Variants in SPAG1 observed in about 807,000 individuals in gnomAD.
The protein encoded by SPAG1 is sperm-associated antigen 1.
A neutral mutation model predicts 100.5 loss-of-function variants in SPAG1; 69 were observed. The observed-to-expected ratio is 0.69, with a 90% CI of 0.57 to 0.84. SPAG1 has a LOEUF of 0.84. Ranked by LOEUF, SPAG1 falls within the 40% of genes least tolerant of loss-of-function variation. The pLI is 0.00. For missense variants in SPAG1, 955 were observed against 1,133.1 expected (o/e 0.84, Z 2.26); for synonymous variants, 336 against 411.6 (o/e 0.82, Z 2.22).
chr8:100,178,159 T>C (rs1007863062), intron 4 of SPAG1, among the ~76,000 whole-genome samples: 5 of 152,204 alleles, frequency 3.3e-5, no homozygotes, highest in Admixed American at 3.3e-4. Context: ...TCCTTTGAAG[T>C]CCTGCATCTT....
chr8:100,180,705 C>T (rs886625465), intron 4 of SPAG1, among the ~76,000 whole-genome samples: 1 of 152,158 alleles, frequency 6.6e-6, no homozygotes, highest in Admixed American at 6.5e-5. Context: ...TTATCTCTGT[C>T]TCTTGATTTC....
intron 10 of SPAG1, among the ~76,000 whole-genome samples, chr8:100,205,938 G>A (rs1322283667): frequency 2.1e-5 from 3 of 144,570 alleles, no homozygotes; most frequent in Non-Finnish European, 4.5e-5. Flanking sequence ...AGAACTGCTT[G>A]AACCTGGGAG....
intron 16 of SPAG1, among the ~76,000 whole-genome samples, chr8:100,234,503 A>G (rs1818915699): frequency 1.3e-5 from 2 of 152,228 alleles, no homozygotes; most frequent in South Asian, 4.1e-4. Context: ...GGACATTACC[A>G]TAAATCATAT....
rs1287008797 is a variant in SPAG1 at position 100,213,330 on chromosome 8, C to A, written c.1337C>A (p.Ala446Asp). Residue 446 changes from alanine to aspartate, a missense_variant, in exon 11 of 19, where the codon GCC (alanine) becomes GAC (aspartate). Transcript: ENST00000388798. ...PGGGQGAENP[A>D]GLKSQGNELF... ...GGCGGGCAGGGCGCGGAGAACCCTG[C>A]CGGCCTGAAGAGCCAGGGCAACGAG... 7.6e-7 allele frequency: 1 copy of A among 1,311,732 alleles called. No homozygotes were observed. The highest frequency in any genetic ancestry group is 2.3e-5 in the South Asian group (1 of 43,032). 81.3% of individuals were successfully genotyped at this position (1,311,732 alleles called of 1,614,324 possible).
chr8:100,173,591 T>A (rs1815976907), intron 3 of SPAG1, among the ~76,000 whole-genome samples: 1 of 152,194 alleles, frequency 6.6e-6, no homozygotes, highest in East Asian at 1.9e-4. Flanking sequence ...GTTTCACAGA[T>A]AATAAATCTC....
At chr8:100,179,619 T>G (rs921859783) in intron 4 of SPAG1, among the ~76,000 whole-genome samples, 3 of 152,166 alleles carry the variant, frequency 2.0e-5, no homozygotes, top group African/African-American at 7.2e-5. Context: ...GTGTTGGTAT[T>G]TGCCCTGAGG....
chr8:100,200,659 T>C (rs2132309258), intron 10 of SPAG1, among the ~76,000 whole-genome samples: 2 of 152,374 alleles, frequency 1.3e-5, no homozygotes, highest in East Asian at 1.9e-4. Context: ...TGAGATGGTA[T>C]CTCATTGTGG....
At chr8:100,172,755 T>C (rs1278084078) in intron 3 of SPAG1, among the ~76,000 whole-genome samples, 1 of 152,018 alleles carries the variant, frequency 6.6e-6, no homozygotes, top group African/African-American at 2.4e-5. Context: ...TGGTTTACTT[T>C]ATTTTATTTA....
intron 3 of SPAG1, 131 bp downstream of exon 3, chr8:100,166,104 G>A (rs971100049): frequency 1.4e-6 from 1 of 730,988 alleles, no homozygotes; most frequent in African/African-American, 1.8e-5. Flanking sequence ...AGGATTGGTT[G>A]CTTTTTACAC....
rs2132262143 is a variant in SPAG1 at position 100,185,070 on chromosome 8, T to C, written c.701+337T>C. The C allele has an allele frequency of 2.3e-5, 5 of 220,706 alleles. No homozygotes were observed. The South Asian group carries it at 3.3e-4, about 15-fold the overall frequency. 13.7% of individuals were successfully genotyped at this position (220,706 alleles called of 1,614,324 possible). A position where few individuals can be genotyped will look rare whatever the true frequency, so the allele number is the denominator to read the frequency against. ...GACTGCCTGGATTTACTTCTAGTAC[T>C]TTGGTGCTCCTTCCTACCACAGGGC... On this transcript the variant is annotated intron_variant, in intron 7 of 18. Coordinates refer to ENST00000388798, the MANE Select transcript of SPAG1 (RefSeq NM_003114.5).
intron 9 of SPAG1, among the ~76,000 whole-genome samples, chr8:100,193,030 G>GA (rs1816879895): frequency 6.6e-6 from 1 of 152,260 alleles, no homozygotes; most frequent in South Asian, 2.1e-4. Flanking sequence ...AAACATAGGA[G>GA]AAAATCTTTA....
chr8:100,237,342 A>C (rs188153648), intron 16 of SPAG1, among the ~76,000 whole-genome samples: 1 of 152,078 alleles, frequency 6.6e-6, no homozygotes, highest in Non-Finnish European at 1.5e-5. Flanking sequence ...TGGCCTCCCA[A>C]AGTGCTGGGA....
Position 100,225,327 on chromosome 8 carries a change from C to G in SPAG1, c.1843C>G (p.Gln615Glu). The change falls in exon 14 of 19, where the codon CAG (glutamine) becomes GAG (glutamate). Residue 615 changes from glutamine (Q) to glutamate (E), a missense_variant. Transcript: ENST00000388798. Reference sequence around the variant, plus strand: ...AGGAGACTCCAGCAGCCATCGCCAGCAGGGCATCACAGGTGGGGGATGCCT... The same window carrying G: ...AGGAGACTCCAGCAGCCATCGCCAGGAGGGCATCACAGGTGGGGGATGCCT... Reference protein sequence around the residue: ...QAGDSSSHRQQGITDEKTFKA... With the variant: ...QAGDSSSHRQEGITDEKTFKA... 1 of 1,613,492 alleles carries G rather than the reference C, an allele frequency of 6.2e-7. No individual in the cohort carries two copies. Among genetic ancestry groups the G allele is most frequent in the Non-Finnish European group, 8.5e-7 (1 of 1,179,926 alleles).
At chr8:100,235,733 A>G (rs1389294640) in intron 16 of SPAG1, among the ~76,000 whole-genome samples, 2 of 152,092 alleles carry the variant, frequency 1.3e-5, no homozygotes, top group African/African-American at 4.8e-5. Context: ...GCTGCAGTGC[A>G]GTCAGCGTGC....
In SPAG1 at chr8:100,233,394, C is replaced by G. The variant is rs775415730; in HGVS notation, c.1989-17C>G. ...TCTTTACCTTTCATAATACTGAGTTCCATTGCATTATGCCAGAGCTCTCTG... is the reference window on the plus strand; with the variant it reads ...TCTTTACCTTTCATAATACTGAGTTGCATTGCATTATGCCAGAGCTCTCTG... On this transcript the variant is annotated splice_polypyrimidine_tract_variant and intron_variant, in intron 15 of 18. Transcript: ENST00000388798. 6.2e-7 allele frequency: 1 copy of G among 1,613,002 alleles called. No individual in the cohort carries two copies. Among genetic ancestry groups the G allele is most frequent in the South Asian group, 1.1e-5 (1 of 90,988 alleles).
At position 100,239,298 on chromosome 8, in the gene SPAG1, T is replaced by C. The variant is rs746832645; in HGVS notation, c.2174T>C (p.Ile725Thr). ...GTTATCCTACTAGATCCAAGTATTA[T>C]TGAGGCAAAGATGGAACTGGAAGAG... is the stretch of plus-strand genomic sequence containing the variant. ...NKVILLDPSI[I>T]EAKMELEEVT... Residue 725 changes from isoleucine (I) to threonine (T), a missense_variant, in exon 17 of 19, where the codon ATT (isoleucine) becomes ACT (threonine). Physicochemically the swap from Ile to Thr is moderately conservative, Grantham distance 89 (BLOSUM62 -1). Transcript: ENST00000388798. This position sits in a 1 kb window ranked among gnomAD's most constrained non-coding sequence, Gnocchi z 5.0. 36 of 1,554,552 alleles carry C rather than the reference T, an allele frequency of 2.3e-5. No homozygotes were observed. The South Asian group carries it at 3.7e-4, about 16-fold the overall frequency.
At chr8:100,159,852 T>A (rs1815229256) in intron 1 of SPAG1, among the ~76,000 whole-genome samples, 1 of 152,248 alleles carries the variant, frequency 6.6e-6, no homozygotes, top group South Asian at 2.1e-4. Flanking sequence ...GTAGTTAGCC[T>A]ATTGAGACTC....
At chr8:100,232,105 C>T (rs1310815124) in intron 15 of SPAG1, among the ~76,000 whole-genome samples, 1 of 152,136 alleles carries the variant, frequency 6.6e-6, no homozygotes, top group African/African-American at 2.4e-5. Flanking sequence ...GTAAAAGATA[C>T]CTATATAGAA....
intron 16 of SPAG1, among the ~76,000 whole-genome samples, chr8:100,237,106 A>G (rs183879229): frequency 2.0e-5 from 3 of 150,186 alleles, no homozygotes; most frequent in Admixed American, 2.0e-4. Context: ...TTTGAGACAG[A>G]GTCTTGCTCT....
Sources: gnomAD v4.1 joint callset for allele counts (sites outside exome capture counted in the v4.1 genomes callset) on GRCh38, gnomAD v4.1.1 for gene constraint, Gnocchi (gnomAD v3.1) non-coding constraint, MANE v1.5 for transcripts, NCBI Gene and HGNC (gene_info 2026-07-23, HGNC 2026-07-21) for gene names.